MVB12B: variants seen among roughly 807,000 people sequenced by gnomAD.
MVB12B encodes the protein multivesicular body subunit 12B.
Under a neutral mutation model 41.6 loss-of-function variants are expected in MVB12B, and 16 were observed. The observed-to-expected ratio is 0.38, with a 90% CI of 0.26 to 0.58. The LOEUF is 0.58. Among genes scored for constraint, MVB12B ranks in the 20% least tolerant of loss-of-function variants. The probability of loss-of-function intolerance (pLI) is 0.62; values close to 1 mark genes in which losing one functional copy is unlikely to be tolerated. For synonymous variants in MVB12B, 133 were observed against 139.7 expected, an observed-to-expected ratio of 0.95 and a Z score of 0.34; for missense variants, 274 against 380.2, an observed-to-expected ratio of 0.72 and a Z score of 2.32.
At chr9:126,327,275 A>G (rs10987247) in intron 1 of MVB12B, 53,481 of 984,650 alleles carry the variant, frequency 0.054, 1,506 homozygotes, top group Middle Eastern at 0.076. Context: ...GAGTGCCAGC[A>G]GCGCCCCCAA....
chr9:126,406,845 T>A (rs4836538), intron 6 of MVB12B, among the ~76,000 whole-genome samples: 4 of 152,098 alleles, frequency 2.6e-5, no homozygotes, highest in Non-Finnish European at 5.9e-5. Context: ...TTTTTTTTTA[T>A]TAAGTAATCA....
chr9:126,494,457 C>T (rs953703021), intron 9 of MVB12B, among the ~76,000 whole-genome samples: 2 of 152,190 alleles, frequency 1.3e-5, no homozygotes, highest in African/African-American at 2.4e-5. Flanking sequence ...CCAGGCAGAA[C>T]CACCTGCCCT....
rs370445838 is a variant in MVB12B, at chr9:126,498,058, G to GTGGGCACTGTGC, written c.874-5113_874-5102dup. Among the ~76,000 whole-genome samples the GTGGGCACTGTGC allele has an allele frequency of 4.7e-3, 719 of 152,296 alleles. 8 individuals carry two copies. Among genetic ancestry groups the GTGGGCACTGTGC allele is most frequent in the African/African-American group, 0.017 (692 of 41,584 alleles). ...AGCGCTTCAGGCCTCGCCATATGACGTGGGCACTGTGCTGGGCCCTGCCTC... is the reference window on the plus strand; with the variant it reads ...AGCGCTTCAGGCCTCGCCATATGACGTGGGCACTGTGCTGGGCACTGTGCTGGGCCCTGCCTC... On this transcript the variant is annotated intron_variant, in intron 9 of 9. Coordinates refer to ENST00000361171, the MANE Select transcript of MVB12B (RefSeq NM_033446.3).
At chr9:126,477,882 G>T (rs1588201876) in intron 7 of MVB12B, among the ~76,000 whole-genome samples, 1 of 152,354 alleles carries the variant, frequency 6.6e-6, no homozygotes. Flanking sequence ...CAAGGCAAGA[G>T]CGCAGCGTGA....
At chr9:126,335,236 G>T in intron 1 of MVB12B, 1 of 1,184,852 alleles carries the variant, frequency 8.4e-7, no homozygotes. Flanking sequence ...GACTCTGGCT[G>T]GTCACCAGGT....
chr9:126,407,537 TGTGA>T (rs111316810), intron 6 of MVB12B, among the ~76,000 whole-genome samples: 4 of 152,342 alleles, frequency 2.6e-5, no homozygotes, highest in African/African-American at 7.2e-5. Flanking sequence ...TCTTCCTCTC[TGTGA>T]GTGTCTGAGT....
intron 1 of MVB12B, among the ~76,000 whole-genome samples, chr9:126,334,297 G>A (rs948004893): frequency 2.6e-5 from 4 of 152,208 alleles, no homozygotes; most frequent in Admixed American, 2.6e-4. Flanking sequence ...GGGCAAAGAC[G>A]CGAGACAGAT....
rs182573764 is a variant in MVB12B, at chr9:126,342,727, G to T, written c.204+2097G>T. 2.0e-5 allele frequency among the ~76,000 whole-genome samples: 3 copies of T among 152,266 alleles called. No homozygotes were observed. In the East Asian group the frequency reaches 5.8e-4, roughly 29 times the overall value. On this transcript the variant is annotated intron_variant, in intron 2 of 9. Transcript: ENST00000361171. ...GCAGATAAGCGTCTCGTTCCCCAGA[G>T]GTCTGGCCCCAAGTTCAAGGAAGGC...
intron 7 of MVB12B, among the ~76,000 whole-genome samples, chr9:126,454,582 G>A (rs1196426458): frequency 6.6e-6 from 1 of 152,218 alleles, no homozygotes; most frequent in Non-Finnish European, 1.5e-5. Context: ...CAAGCATCAG[G>A]ATACATTTGC....
chr9:126,381,703 G>A (rs1043584527), intron 3 of MVB12B, among the ~76,000 whole-genome samples: 16 of 151,440 alleles, frequency 1.1e-4, no homozygotes, highest in African/African-American at 3.9e-4. Flanking sequence ...ACTTGCACCT[G>A]TAAATTAGGA....
At chr9:126,342,812 G>C (rs1408021980) in intron 2 of MVB12B, among the ~76,000 whole-genome samples, 1 of 152,190 alleles carries the variant, frequency 6.6e-6, no homozygotes, top group Non-Finnish European at 1.5e-5. Flanking sequence ...TTCATATTAA[G>C]TCAATATCCA....
At chr9:126,475,007 TAGTC>T (rs1244959685) in intron 7 of MVB12B, among the ~76,000 whole-genome samples, 2 of 152,210 alleles carry the variant, frequency 1.3e-5, no homozygotes, top group African/African-American at 4.8e-5. Context: ...TCCGTTTAAA[TAGTC>T]AGATCACGTC....
chr9:126,386,159 A>G lies in MVB12B; in HGVS notation c.313-403A>G, dbSNP rs983217175. 1.2e-4 allele frequency among the ~76,000 whole-genome samples: 19 copies of G among 152,290 alleles called. No homozygotes were observed. The highest frequency in any genetic ancestry group is 1.2e-3 in the Admixed American group (19 of 15,296). ...GTGATTGGTTCCCTGTTAGGTTTAG[A>G]TGCAGCTCTTTCCTACGAGTGCCTC... On this transcript the variant is annotated intron_variant, in intron 3 of 9. Transcript: ENST00000361171. This position sits in a 1 kb window ranked among gnomAD's most constrained non-coding sequence, Gnocchi z 4.3.
At chr9:126,335,141 G>T in intron 1 of MVB12B, 1 of 901,060 alleles carries the variant, frequency 1.1e-6, no homozygotes, top group South Asian at 2.4e-5. Flanking sequence ...ATTTGCCTTA[G>T]TTGCCCAACA....
intron 7 of MVB12B, among the ~76,000 whole-genome samples, chr9:126,423,358 A>G (rs1008105619): frequency 3.3e-5 from 5 of 152,284 alleles, no homozygotes; most frequent in African/African-American, 9.6e-5. Context: ...GAAATCTCCT[A>G]TGGTTTGGCA....
chr9:126,384,312 T>C (rs1830710863), intron 3 of MVB12B, among the ~76,000 whole-genome samples: 1 of 152,104 alleles, frequency 6.6e-6, no homozygotes, highest in Admixed American at 6.5e-5. Context: ...AATATGATAG[T>C]TCTGAGAGGA....
In MVB12B at chr9:126,478,974, C is replaced by T. The variant is rs1374385991; in HGVS notation, c.758-2395C>T. Among the ~76,000 whole-genome samples, 1 of 152,122 alleles carries T rather than the reference C, an allele frequency of 6.6e-6. No individual in the cohort carries two copies. The highest frequency in any genetic ancestry group is 2.4e-5 in the African/African-American group (1 of 41,416). ...GGGAATGAATGGTGAGTGGGTTCTGCAGGGGAGCAATTGCCAGGGCCTGTG... is the reference window on the plus strand; with the variant it reads ...GGGAATGAATGGTGAGTGGGTTCTGTAGGGGAGCAATTGCCAGGGCCTGTG... On this transcript the variant is annotated intron_variant, in intron 7 of 9. Transcript: ENST00000361171. The surrounding 1 kb of genome is among the most constrained non-coding windows in gnomAD (Gnocchi z 4.2).
intron 7 of MVB12B, among the ~76,000 whole-genome samples, chr9:126,447,448 T>C (rs562096444): frequency 6.6e-6 from 1 of 152,202 alleles, no homozygotes; most frequent in Non-Finnish European, 1.5e-5. Flanking sequence ...ATTTCAGTTT[T>C]GATTATCCCT....
chr9:126,383,015 C>T (rs1266141203), intron 3 of MVB12B, among the ~76,000 whole-genome samples: 5 of 152,100 alleles, frequency 3.3e-5, no homozygotes, highest in South Asian at 2.1e-4. Flanking sequence ...GAGATAGGTG[C>T]GTGGTGCATA....
Sources: allele counts gnomAD v4.1 joint callset (sites outside exome capture counted in the v4.1 genomes callset), GRCh38; gene constraint gnomAD v4.1.1; non-coding constraint Gnocchi (gnomAD v3.1); transcripts MANE v1.5; gene names NCBI Gene and HGNC (gene_info 2026-07-23, HGNC 2026-07-21).